SEL1L: variants seen among roughly 807,000 people sequenced by gnomAD.
The protein encoded by SEL1L is protein sel-1 homolog 1.
Under a neutral mutation model 109.8 loss-of-function variants are expected in SEL1L, and 52 were observed. The observed-to-expected ratio is 0.47, with a 90% CI of 0.38 to 0.60. The LOEUF (loss-of-function observed/expected upper bound fraction) is 0.60. SEL1L is among the 20% of genes least tolerant of loss of function. The probability of loss-of-function intolerance (pLI) is 0.00; values close to 1 mark genes in which losing one functional copy is unlikely to be tolerated. For missense variants in SEL1L, 749 were observed against 962.2 expected, an observed-to-expected ratio of 0.78 and a Z score of 2.93; for synonymous variants, 373 against 339.6, an observed-to-expected ratio of 1.10 and a Z score of -1.08.
At chr14:81,479,814 G>GA (rs1903290257) in intron 19 of SEL1L, 74 bp from the exon 20 acceptor site, 1 of 1,299,990 alleles carries the variant, frequency 7.7e-7, no homozygotes, top group Non-Finnish European at 1.0e-6. Context: ...CATATTAGAC[G>GA]AATTTATTTT....
chr14:81,498,100 A>T lies in SEL1L; in HGVS notation c.974-54T>A, dbSNP rs535227669. The T allele has an allele frequency of 1.1e-5, 17 of 1,529,564 alleles. No individual in the cohort carries two copies. The South Asian group carries it at 2.0e-4, about 18-fold the overall frequency. 94.7% of individuals were successfully genotyped at this position (1,529,564 alleles called of 1,614,324 possible). On this transcript the variant is annotated intron_variant, in intron 9 of 20. Coordinates refer to ENST00000336735, the MANE Select transcript of SEL1L (RefSeq NM_005065.6). ...GGAGGAAAATCAGAAGAATTGTTCC[A>T]GAGAGAGAGAAGTACAATTCCAGCT...
chr14:81,478,885 G>A (rs1903256240), intron 20 of SEL1L, among the ~76,000 whole-genome samples: 1 of 152,168 alleles, frequency 6.6e-6, no homozygotes, highest in Admixed American at 6.5e-5. Context: ...ATCCTTTTCT[G>A]GTCCTGAAGA....
intron 3 of SEL1L, among the ~76,000 whole-genome samples, chr14:81,520,830 C>A (rs1884878379): frequency 6.6e-6 from 1 of 152,104 alleles, no homozygotes. Flanking sequence ...ATCACATACA[C>A]TATGTAATTA....
chr14:81,486,573 C>G lies in SEL1L; in HGVS notation c.1633-119G>C. On this transcript the variant is annotated intron_variant, in intron 16 of 20. Coordinates refer to ENST00000336735, the MANE Select transcript of SEL1L (RefSeq NM_005065.6). ...AGCTTGCTCCTTCAATTTCTGGCAG[C>G]TTTCTTGAACAGACATAAAAGTTTG... 3 of 881,758 alleles carry G rather than the reference C, an allele frequency of 3.4e-6. No individual in the cohort carries two copies. The South Asian group carries it at 6.1e-5, about 18-fold the overall frequency. 54.6% of individuals were successfully genotyped at this position (881,758 alleles called of 1,614,324 possible).
intron 10 of SEL1L, among the ~76,000 whole-genome samples, chr14:81,495,411 G>C (rs1220787971): frequency 6.6e-6 from 1 of 152,196 alleles, no homozygotes; most frequent in African/African-American, 2.4e-5. Flanking sequence ...GGTCATGGGT[G>C]AATCACTTGA....
intron 3 of SEL1L, among the ~76,000 whole-genome samples, chr14:81,508,032 T>C (rs539670232): frequency 1.3e-5 from 2 of 152,336 alleles, no homozygotes; most frequent in East Asian, 1.9e-4. Context: ...AGATAATACA[T>C]GTAAAGGACT....
At chr14:81,529,244 T>A (rs1885236872) in intron 1 of SEL1L, among the ~76,000 whole-genome samples, 1 of 152,140 alleles carries the variant, frequency 6.6e-6, no homozygotes, top group Non-Finnish European at 1.5e-5. Context: ...TGGTTCAAAT[T>A]CCATTCTCAG....
rs1903280647 is a variant in SEL1L at position 81,479,606 on chromosome 14, A to G, written c.2175+6T>C. On this transcript the variant is annotated splice_donor_region_variant and intron_variant, in intron 20 of 20. Coordinates refer to ENST00000336735, the MANE Select transcript of SEL1L (RefSeq NM_005065.6). Reference sequence around the variant, plus strand: ...ATTTTAATGAAAAGAGGTACGGACCACTTACGTTTGTTTCCCGTATGTACT... The same window carrying G: ...ATTTTAATGAAAAGAGGTACGGACCGCTTACGTTTGTTTCCCGTATGTACT... 2 of 1,604,302 alleles carry G rather than the reference A, an allele frequency of 1.2e-6. No homozygotes were observed. The highest frequency in any genetic ancestry group is 1.7e-6 in the Non-Finnish European group (2 of 1,176,866).
At chr14:81,500,298 A>G (rs1883952043) in intron 6 of SEL1L, among the ~76,000 whole-genome samples, 1 of 152,044 alleles carries the variant, frequency 6.6e-6, no homozygotes, top group Admixed American at 6.5e-5. Context: ...CAGTGGTACA[A>G]TCTCGGCTCA....
At chr14:81,488,149 TAG>T (rs1883388159) in intron 14 of SEL1L, among the ~76,000 whole-genome samples, 1 of 152,126 alleles carries the variant, frequency 6.6e-6, no homozygotes, top group Non-Finnish European at 1.5e-5. Context: ...GAAAAGTAAA[TAG>T]AGTTTTTGTG....
rs35474067 is a variant in SEL1L, at chr14:81,510,514, C to CTCTCTCTATATA, written c.341-4274_341-4273insTATATAGAGAGA. On this transcript the variant is annotated intron_variant, in intron 3 of 20. Transcript: ENST00000336735. ...TCTCTCTCTCTCTCTCTCTCTCTCT[C>CTCTCTCTATATA]TATATATATATATATAGACAATTAA... Among the ~76,000 whole-genome samples, 515 of 104,030 alleles carry CTCTCTCTATATA rather than the reference C, an allele frequency of 5.0e-3. 1 individual carries two copies. Among genetic ancestry groups the CTCTCTCTATATA allele is most frequent in the Non-Finnish European group, 7.6e-3 (380 of 50,230 alleles). The allele number at this position is 104,030 out of a possible 152,430, so 68.2% of individuals were successfully genotyped here.
rs572094187 is a variant in SEL1L at position 81,473,491 on chromosome 14, T to C, written c.*3481A>G. ...ATTTATATTTGAGAGTGATGACTGATGAAAAATATTTGCATGAAAATAGAA... is the reference window on the plus strand; with the variant it reads ...ATTTATATTTGAGAGTGATGACTGACGAAAAATATTTGCATGAAAATAGAA... On this transcript the variant is annotated 3_prime_UTR_variant, in exon 21 of 21. Transcript: ENST00000336735. The C allele has an allele frequency of 6.6e-6, 1 of 152,210 alleles. No individual in the cohort carries two copies. The highest frequency in any genetic ancestry group is 1.5e-5 in the Non-Finnish European group (1 of 68,018). The allele number at this position is 152,210 out of a possible 1,614,324, so 9.4% of individuals were successfully genotyped here.
At chr14:81,506,268 A>C in intron 3 of SEL1L, 27 bp from the exon 4 acceptor site, 1 of 1,533,556 alleles carries the variant, frequency 6.5e-7, no homozygotes, top group South Asian at 1.3e-5. Context: ...TAAAAATCTA[A>C]ACATGAAACA....
chr14:81,508,298 C>T lies in SEL1L; in HGVS notation c.341-2057G>A, dbSNP rs116582260. Among the ~76,000 whole-genome samples the T allele has an allele frequency of 6.8e-3, 1,035 of 152,150 alleles. 13 individuals are homozygous for T. Among genetic ancestry groups the T allele is most frequent in the African/African-American group, 0.023 (937 of 41,518 alleles). On this transcript the variant is annotated intron_variant, in intron 3 of 20. Coordinates refer to ENST00000336735, the MANE Select transcript of SEL1L (RefSeq NM_005065.6). Reference sequence around the variant, plus strand: ...AGGCAAATAACTTTTTTTACCTTTGCTTTGTCTATGTTTTAAAGAAAGGAT... The same window carrying T: ...AGGCAAATAACTTTTTTTACCTTTGTTTTGTCTATGTTTTAAAGAAAGGAT...
Position 81,502,605 on chromosome 14 carries a change from T to C in SEL1L, c.777+116A>G, listed in dbSNP as rs1241352595. On this transcript the variant is annotated intron_variant, in intron 6 of 20. Coordinates refer to ENST00000336735, the MANE Select transcript of SEL1L (RefSeq NM_005065.6). ...ACTGATAAAATGGTCAGCCACAAAA[T>C]TGGTATTTATCTTCCAGTCTGACTT... 11 of 1,007,046 alleles carry C rather than the reference T, an allele frequency of 1.1e-5. No individual in the cohort carries two copies. In the African/African-American group the frequency reaches 1.5e-4, roughly 13 times the overall value. 62.4% of individuals were successfully genotyped at this position (1,007,046 alleles called of 1,614,324 possible). A position where few individuals can be genotyped will look rare whatever the true frequency, so the allele number is the denominator to read the frequency against.
intron 19 of SEL1L, among the ~76,000 whole-genome samples, chr14:81,482,009 C>A (rs1189125779): frequency 2.0e-5 from 3 of 149,672 alleles, no homozygotes; most frequent in Non-Finnish European, 4.4e-5. Context: ...CCAGCCTGGG[C>A]AACAGAGTGA....
intron 10 of SEL1L, among the ~76,000 whole-genome samples, chr14:81,496,267 T>C (rs1265297715): frequency 6.6e-6 from 1 of 151,844 alleles, no homozygotes; most frequent in East Asian, 1.9e-4. Context: ...GGGCTTGCAG[T>C]GAGCCGAGAT....
chr14:81,499,264 G>C, intron 8 of SEL1L, 195 bp downstream of exon 8: 1 of 1,245,810 alleles, frequency 8.0e-7, no homozygotes, highest in Non-Finnish European at 1.0e-6. Flanking sequence ...GAAAAATTGT[G>C]GACTCCACCA....
At chr14:81,515,984 A>G (rs1039691145) in intron 3 of SEL1L, among the ~76,000 whole-genome samples, 6 of 152,188 alleles carry the variant, frequency 3.9e-5, no homozygotes, top group African/African-American at 9.7e-5. Context: ...GAGGAGGCCA[A>G]TCACCTGGTG....
Sources: allele counts gnomAD v4.1 joint callset (sites outside exome capture counted in the v4.1 genomes callset), GRCh38; gene constraint gnomAD v4.1.1; transcripts MANE v1.5; gene names NCBI Gene and HGNC (gene_info 2026-07-23, HGNC 2026-07-21).